Variants in PTPRQ observed in about 807,000 individuals in gnomAD.
PTPRQ encodes phosphatidylinositol phosphatase PTPRQ.
In PTPRQ, 199 loss-of-function variants were observed where a neutral mutation model predicts 246.0. The ratio of observed to expected loss-of-function variants is 0.81; its 90% CI spans 0.72 to 0.91. PTPRQ has a LOEUF of 0.91. Among genes scored for constraint, PTPRQ ranks in the 40% least tolerant of loss-of-function variants. The pLI is 0.00. For missense variants in PTPRQ, 2,624 were observed against 2,528.4 expected, an observed-to-expected ratio of 1.04 and a Z score of -0.81; for synonymous variants, 869 against 853.2, an observed-to-expected ratio of 1.02 and a Z score of -0.32.
intron 39 of PTPRQ, among the ~76,000 whole-genome samples, chr12:80,664,035 T>C (rs1173799801): frequency 2.0e-5 from 3 of 151,990 alleles, no homozygotes; most frequent in South Asian, 2.1e-4. Context: ...TTATCTCTTA[T>C]AGTCTCGACC....
chr12:80,473,996 G>A (rs1893735069), intron 8 of PTPRQ, among the ~76,000 whole-genome samples: 1 of 152,186 alleles, frequency 6.6e-6, no homozygotes, highest in African/African-American at 2.4e-5. Context: ...ATATCCTCAT[G>A]TCAGCCTTCA....
intron 26 of PTPRQ, among the ~76,000 whole-genome samples, chr12:80,595,086 C>T (rs556541755): frequency 6.6e-6 from 1 of 152,072 alleles, no homozygotes; most frequent in Non-Finnish European, 1.5e-5. Flanking sequence ...TCTTATTGTC[C>T]TTTCTTTCCT....
At chr12:80,579,435 A>T (rs1313314544) in intron 25 of PTPRQ, among the ~76,000 whole-genome samples, 1 of 152,146 alleles carries the variant, frequency 6.6e-6, no homozygotes, top group Non-Finnish European at 1.5e-5. Flanking sequence ...AACCCACTGA[A>T]TCCTTTTTCT....
chr12:80,655,150 T>C (rs1398878558), intron 38 of PTPRQ, among the ~76,000 whole-genome samples: 4 of 152,008 alleles, frequency 2.6e-5, no homozygotes, highest in Non-Finnish European at 4.4e-5. Flanking sequence ...CTTAAAGTAA[T>C]AAAAAGGACC....
At chr12:80,592,428 T>C (rs1281108558) in intron 26 of PTPRQ, among the ~76,000 whole-genome samples, 1 of 152,138 alleles carries the variant, frequency 6.6e-6, no homozygotes, top group African/African-American at 2.4e-5. Flanking sequence ...AAAATAAAAG[T>C]TCTATTTATT....
chr12:80,613,343 C>T (rs964922990), intron 28 of PTPRQ, among the ~76,000 whole-genome samples: 1 of 150,512 alleles, frequency 6.6e-6, no homozygotes, highest in South Asian at 2.1e-4. Flanking sequence ...ATTAAAATGT[C>T]ATAGAAACAC....
chr12:80,603,157 T>C (rs1898198623), intron 26 of PTPRQ, among the ~76,000 whole-genome samples: 2 of 151,706 alleles, frequency 1.3e-5, no homozygotes, highest in Admixed American at 1.3e-4. Flanking sequence ...TTATTCCGAG[T>C]TCTTTTTATT....
chr12:80,449,607 T>A (rs1892677814), intron 3 of PTPRQ, among the ~76,000 whole-genome samples: 1 of 151,854 alleles, frequency 6.6e-6, no homozygotes, highest in Non-Finnish European at 1.5e-5. Context: ...TAGCCAGTTT[T>A]CCCAGCACCA....
intron 25 of PTPRQ, among the ~76,000 whole-genome samples, chr12:80,587,770 A>G (rs1039248679): frequency 1.3e-5 from 2 of 152,160 alleles, no homozygotes; most frequent in African/African-American, 4.8e-5. Flanking sequence ...AATATTACAA[A>G]CTCAAACCAT....
intron 25 of PTPRQ, among the ~76,000 whole-genome samples, chr12:80,564,931 A>G (rs1896933583): frequency 6.6e-6 from 1 of 152,232 alleles, no homozygotes; most frequent in South Asian, 2.1e-4. Context: ...ATTAACATGT[A>G]TAGATACATT....
intron 35 of PTPRQ, among the ~76,000 whole-genome samples, chr12:80,637,393 T>G (rs1899696548): frequency 6.6e-6 from 1 of 152,216 alleles, no homozygotes; most frequent in South Asian, 2.1e-4. Context: ...TGTAAAAGGG[T>G]TTAAAAGTGA....
chr12:80,671,880 C>T (rs541620542), intron 42 of PTPRQ, among the ~76,000 whole-genome samples: 2 of 152,026 alleles, frequency 1.3e-5, no homozygotes, highest in South Asian at 4.2e-4. Context: ...CCCTGACTAC[C>T]CCACACTCCT....
chr12:80,629,062 C>CT (rs1249323025), intron 33 of PTPRQ, among the ~76,000 whole-genome samples: 2 of 151,256 alleles, frequency 1.3e-5, no homozygotes, highest in Non-Finnish European at 2.9e-5. Flanking sequence ...TGGTTGCCTT[C>CT]TTGCAGTGTT....
At position 80,610,476 on chromosome 12, in the gene PTPRQ, C is replaced by A; in HGVS notation, c.4769C>A (p.Ser1590Ter). ...NDEFNISFIK[S>*]NEENKTIEIK... ...GAATTTAATATATCCTTCATCAAGT[C>A]AAATGAAGAAAATAAAACCATAGAA... The change falls in exon 28 of 45, where the codon TCA (serine) becomes TAA (stop). Residue 1590 changes from serine (S) to a stop codon, truncating the protein, a stop_gained. Coordinates refer to ENST00000644991, the MANE Select transcript of PTPRQ (RefSeq NM_001145026.2). LOFTEE classifies it high-confidence loss of function. 6.6e-7 allele frequency: 1 copy of A among 1,510,152 alleles called. No homozygotes were observed. Among genetic ancestry groups the A allele is most frequent in the South Asian group, 1.3e-5 (1 of 79,592 alleles). The allele number at this position is 1,510,152 out of a possible 1,614,324, so 93.5% of individuals were successfully genotyped here.
At chr12:80,467,740 A>G (rs1592542533) in intron 6 of PTPRQ, among the ~76,000 whole-genome samples, 1 of 129,404 alleles carries the variant, frequency 7.7e-6, no homozygotes. Context: ...CATCATTCTC[A>G]GTAAACTATC....
chr12:80,552,661 A>ATATG (rs1896518572), intron 25 of PTPRQ, among the ~76,000 whole-genome samples: 1 of 106,146 alleles, frequency 9.4e-6, no homozygotes, highest in East Asian at 2.5e-4. Context: ...ATATATATAT[A>ATATG]TATATATATA....
At chr12:80,518,633 C>T (rs1435580580) in intron 17 of PTPRQ, among the ~76,000 whole-genome samples, 7 of 152,080 alleles carry the variant, frequency 4.6e-5, no homozygotes, top group African/African-American at 2.4e-5. Flanking sequence ...GTCTTTAATC[C>T]ATTTTGATTT....
chr12:80,661,778 T>C (rs888638374), intron 39 of PTPRQ, among the ~76,000 whole-genome samples: 2 of 151,302 alleles, frequency 1.3e-5, no homozygotes, highest in African/African-American at 4.8e-5. Context: ...AACTTTAACA[T>C]AAAAAAATCT....
chr12:80,458,869 A>T (rs1286525117), intron 4 of PTPRQ, among the ~76,000 whole-genome samples: 1 of 152,162 alleles, frequency 6.6e-6, no homozygotes, highest in Non-Finnish European at 1.5e-5. Flanking sequence ...TAGGCACTAG[A>T]CATTTATAAA....
Sources: gnomAD v4.1 joint callset for allele counts (sites outside exome capture counted in the v4.1 genomes callset) on GRCh38, gnomAD v4.1.1 for gene constraint, MANE v1.5 for transcripts, NCBI Gene and HGNC (gene_info 2026-07-23, HGNC 2026-07-21) for gene names.